CAMK2D: variants seen among roughly 807,000 people sequenced by gnomAD.
CAMK2D encodes the protein calcium/calmodulin dependent protein kinase II delta.
CAMK2D carries 37 observed loss-of-function variants against 84.0 expected under a neutral mutation model. The observed-to-expected ratio is 0.44, with a 90% CI of 0.34 to 0.58. CAMK2D has a LOEUF of 0.58. CAMK2D is among the 20% of genes least tolerant of loss of function. The pLI is 0.02. For missense variants in CAMK2D, 448 were observed against 652.5 expected (o/e 0.69, Z 3.41); for synonymous variants, 202 against 212.5 (o/e 0.95, Z 0.43).
rs532782241 is a variant in CAMK2D at position 113,609,046 on chromosome 4, A to T, written c.275+106T>A. Reference sequence around the variant, plus strand: ...GTTGAATGTTACTTGAACATTAAAAAATATTGTAGCAGTCAGTAATTTGGA... The same window carrying T: ...GTTGAATGTTACTTGAACATTAAAATATATTGTAGCAGTCAGTAATTTGGA... On this transcript the variant is annotated intron_variant, in intron 4 of 20. Coordinates refer to ENST00000511664, the MANE Select transcript of CAMK2D (RefSeq NM_001321571.2). The T allele has an allele frequency of 1.0e-4, 64 of 614,572 alleles. No homozygotes were observed. The Middle Eastern group carries it at 1.7e-3, about 16-fold the overall frequency. 38.1% of individuals were successfully genotyped at this position (614,572 alleles called of 1,614,324 possible).
intron 3 of CAMK2D, among the ~76,000 whole-genome samples, chr4:113,627,750 A>C (rs966759593): frequency 6.6e-6 from 1 of 152,200 alleles, no homozygotes; most frequent in African/African-American, 2.4e-5. Flanking sequence ...GCATTTGCTT[A>C]GTGTTTATAA....
At chr4:113,534,345 A>G (rs1047079475) in intron 7 of CAMK2D, among the ~76,000 whole-genome samples, 1 of 152,212 alleles carries the variant, frequency 6.6e-6, no homozygotes, top group South Asian at 2.1e-4. Context: ...AGAAAAAGAA[A>G]GAGAAAAAAG....
intron 3 of CAMK2D, among the ~76,000 whole-genome samples, chr4:113,640,537 G>A (rs1332088130): frequency 1.3e-5 from 2 of 152,138 alleles, no homozygotes; most frequent in East Asian, 3.9e-4. Flanking sequence ...TAGGTAAATA[G>A]TCCTAACAAA....
chr4:113,742,866 T>G (rs372274071), intron 2 of CAMK2D, among the ~76,000 whole-genome samples: 1 of 152,332 alleles, frequency 6.6e-6, no homozygotes, highest in African/African-American at 2.4e-5. Flanking sequence ...CTATTTCTGA[T>G]CTATGATAAT....
At chr4:113,738,030 T>C (rs957388826) in intron 2 of CAMK2D, among the ~76,000 whole-genome samples, 3 of 152,116 alleles carry the variant, frequency 2.0e-5, no homozygotes, top group African/African-American at 7.2e-5. Flanking sequence ...CCCTCATTAT[T>C]TCTCACAACC....
chr4:113,660,818 A>G (rs1234221426), intron 3 of CAMK2D, among the ~76,000 whole-genome samples: 2 of 143,228 alleles, frequency 1.4e-5, no homozygotes, highest in Non-Finnish European at 3.0e-5. Flanking sequence ...TTTTTGAGAC[A>G]GAGTCTCGCT....
intron 12 of CAMK2D, among the ~76,000 whole-genome samples, chr4:113,511,163 T>A (rs2098208047): frequency 6.6e-6 from 1 of 152,136 alleles, no homozygotes; most frequent in South Asian, 2.1e-4. Flanking sequence ...AACAACTTTA[T>A]AACCATATAC....
chr4:113,492,000 T>A (rs1434570023), intron 16 of CAMK2D, among the ~76,000 whole-genome samples: 2 of 152,190 alleles, frequency 1.3e-5, no homozygotes, highest in Non-Finnish European at 2.9e-5. Context: ...CCCTTTATCA[T>A]TTTTTATTGC....
chr4:113,726,353 A>T (rs2099545729), intron 2 of CAMK2D, among the ~76,000 whole-genome samples: 4 of 147,082 alleles, frequency 2.7e-5, no homozygotes, highest in Non-Finnish European at 4.5e-5. Flanking sequence ...CCTCCACATA[A>T]GATTGCTTGT....
chr4:113,575,055 A>G (rs921258321), intron 4 of CAMK2D, among the ~76,000 whole-genome samples: 1 of 152,180 alleles, frequency 6.6e-6, no homozygotes, highest in African/African-American at 2.4e-5. Context: ...AGTAATATTT[A>G]TAGCTCCACA....
chr4:113,660,933 C>A (rs1330283235), intron 3 of CAMK2D, among the ~76,000 whole-genome samples: 1 of 151,678 alleles, frequency 6.6e-6, no homozygotes, highest in Non-Finnish European at 1.5e-5. Context: ...GTAGCTGGGA[C>A]TACAGGCGCC....
intron 5 of CAMK2D, among the ~76,000 whole-genome samples, chr4:113,550,666 A>G (rs2098620304): frequency 6.6e-6 from 1 of 152,218 alleles, no homozygotes; most frequent in African/African-American, 2.4e-5. Flanking sequence ...GAAATTCCCT[A>G]GTTTAGTACC....
At chr4:113,596,675 TC>T (rs146739478) in intron 4 of CAMK2D, among the ~76,000 whole-genome samples, 1 of 151,780 alleles carries the variant, frequency 6.6e-6, no homozygotes, top group East Asian at 1.9e-4. Flanking sequence ...TCATTTTTCT[TC>T]CCCCCCAGGC....
intron 2 of CAMK2D, among the ~76,000 whole-genome samples, chr4:113,753,559 G>T (rs1287171397): frequency 2.0e-5 from 3 of 151,840 alleles, no homozygotes; most frequent in Non-Finnish European, 4.4e-5. Context: ...GCAGATAAAA[G>T]GTCTATGATT....
At chr4:113,743,797 G>A (rs537371285) in intron 2 of CAMK2D, among the ~76,000 whole-genome samples, 1 of 151,646 alleles carries the variant, frequency 6.6e-6, no homozygotes, top group Admixed American at 6.6e-5. Context: ...TTGACCTGAG[G>A]AATCCCTGAA....
chr4:113,510,267 C>T (rs1326808215), intron 12 of CAMK2D, among the ~76,000 whole-genome samples: 1 of 152,090 alleles, frequency 6.6e-6, no homozygotes, highest in Non-Finnish European at 1.5e-5. Flanking sequence ...AAATGTTTAG[C>T]ACATGATCTC....
At chr4:113,641,730 G>A (rs2099132981) in intron 3 of CAMK2D, among the ~76,000 whole-genome samples, 2 of 152,188 alleles carry the variant, frequency 1.3e-5, no homozygotes, top group East Asian at 1.9e-4. Context: ...ATAAGTTGCC[G>A]GGCATGGTGG....
chr4:113,470,299 T>A (rs973114374), intron 16 of CAMK2D, among the ~76,000 whole-genome samples: 3 of 152,006 alleles, frequency 2.0e-5, no homozygotes, highest in Non-Finnish European at 4.4e-5. Context: ...ACCCCCCCCA[T>A]TTTGCTCCTA....
chr4:113,598,261 A>C (rs968501341), intron 4 of CAMK2D, among the ~76,000 whole-genome samples: 5 of 152,196 alleles, frequency 3.3e-5, no homozygotes, highest in African/African-American at 1.2e-4. Context: ...GATCTTTGAT[A>C]AAAGAGCAAA....
Sources: gnomAD v4.1 joint callset for allele counts (sites outside exome capture counted in the v4.1 genomes callset) on GRCh38, gnomAD v4.1.1 for gene constraint, MANE v1.5 for transcripts, NCBI Gene and HGNC (gene_info 2026-07-23, HGNC 2026-07-21) for gene names.